SETBP1: variants seen among roughly 807,000 people sequenced by gnomAD.
The protein encoded by SETBP1 is SET-binding protein.
Under a neutral mutation model 101.0 loss-of-function variants are expected in SETBP1, and 9 were observed. The observed-to-expected ratio is 0.09, with a 90% confidence interval of 0.05 to 0.16. The LOEUF is 0.16. Among genes scored for constraint, SETBP1 ranks in the 10% least tolerant of loss-of-function variants. The pLI is 1.00. For missense variants in SETBP1, 1,858 were observed against 2,033.8 expected (o/e 0.91, Z 1.66); for synonymous variants, 818 against 788.5 (o/e 1.04, Z -0.63).
intron 2 of SETBP1, among the ~76,000 whole-genome samples, chr18:44,781,288 G>C (rs2071124298): frequency 6.6e-6 from 1 of 152,160 alleles, no homozygotes; most frequent in African/African-American, 2.4e-5. Context: ...AGAGCATTGA[G>C]GGTGGCTATG....
At chr18:44,921,913 C>A (rs1039743324) in intron 3 of SETBP1, among the ~76,000 whole-genome samples, 2 of 152,162 alleles carry the variant, frequency 1.3e-5, no homozygotes, top group African/African-American at 4.8e-5. Context: ...CTCCACAACT[C>A]ATGTCACAGG....
rs536165086 is a variant in SETBP1 at position 44,845,188 on chromosome 18, G to A, written c.487-24042G>A. Among the ~76,000 whole-genome samples, 4 of 152,242 alleles carry A rather than the reference G, an allele frequency of 2.6e-5. No individual in the cohort carries two copies. In the East Asian group the frequency reaches 7.7e-4, roughly 29 times the overall value. On this transcript the variant is annotated intron_variant, in intron 2 of 5. Transcript: ENST00000649279. ...AGCCGAAGAGGTTTGATTGAGTGTG[G>A]TTATTGGGCCAGATGATGCTACTTC...
chr18:44,919,462 G>T (rs2070525904), intron 3 of SETBP1, among the ~76,000 whole-genome samples: 1 of 151,096 alleles, frequency 6.6e-6, no homozygotes, highest in Admixed American at 6.6e-5. Flanking sequence ...TGATTCTCCT[G>T]CCTCAGCTTC....
At chr18:44,797,918 C>T (rs562472256) in intron 2 of SETBP1, among the ~76,000 whole-genome samples, 1 of 152,172 alleles carries the variant, frequency 6.6e-6, no homozygotes, top group African/African-American at 2.4e-5. Flanking sequence ...GGAAGATAAC[C>T]CAGGTTGTCA....
At chr18:44,711,701 T>TA (rs1263603454) in intron 2 of SETBP1, among the ~76,000 whole-genome samples, 2 of 114,358 alleles carry the variant, frequency 1.7e-5, no homozygotes, top group Non-Finnish European at 3.4e-5. Context: ...GATTTATCTT[T>TA]AAATTTTTTT....
intron 2 of SETBP1, among the ~76,000 whole-genome samples, chr18:44,808,409 G>A (rs1380426829): frequency 6.6e-6 from 1 of 152,160 alleles, no homozygotes; most frequent in Non-Finnish European, 1.5e-5. Flanking sequence ...TACCAATTAA[G>A]CTTCATTTGA....
chr18:44,984,186 C>G (rs1406692338), intron 4 of SETBP1, among the ~76,000 whole-genome samples: 1 of 151,130 alleles, frequency 6.6e-6, no homozygotes, highest in Non-Finnish European at 1.5e-5. Flanking sequence ...GAGCAAGACT[C>G]CGTCTTGGGA....
chr18:44,909,993 T>G (rs636373), intron 3 of SETBP1, among the ~76,000 whole-genome samples: 10,777 of 152,286 alleles, frequency 0.071, 496 homozygotes, highest in Non-Finnish European at 0.11. Flanking sequence ...TTCCGTAGAT[T>G]ACACTATGGT....
In SETBP1 at chr18:45,064,010, T is replaced by A; in HGVS notation, c.*312T>A. The A allele has an allele frequency of 3.6e-6, 1 of 277,376 alleles. No homozygotes were observed. The allele number at this position is 277,376 out of a possible 1,614,324, so 17.2% of individuals were successfully genotyped here. Reference sequence around the variant, plus strand: ...GAGGAGCAGGCTGGTGGCACTCTCCTGACCTCACGCTGCCAAGGTGCGCCC... The same window carrying A: ...GAGGAGCAGGCTGGTGGCACTCTCCAGACCTCACGCTGCCAAGGTGCGCCC... On this transcript the variant is annotated 3_prime_UTR_variant, in exon 6 of 6. Coordinates refer to ENST00000649279, the MANE Select transcript of SETBP1 (RefSeq NM_015559.3).
At chr18:45,019,906 A>G (rs1378892092) in intron 4 of SETBP1, among the ~76,000 whole-genome samples, 2 of 152,150 alleles carry the variant, frequency 1.3e-5, no homozygotes, top group African/African-American at 4.8e-5. Context: ...GGCCATGGGA[A>G]AGGAAAGCTG....
intron 2 of SETBP1, among the ~76,000 whole-genome samples, chr18:44,844,996 C>G (rs552705351): frequency 6.6e-6 from 1 of 151,960 alleles, no homozygotes; most frequent in Non-Finnish European, 1.5e-5. Context: ...TGATGGGAAT[C>G]GGTGACAGAC....
intron 4 of SETBP1, among the ~76,000 whole-genome samples, chr18:45,008,984 G>C (rs2072783303): frequency 6.6e-6 from 1 of 152,170 alleles, no homozygotes; most frequent in South Asian, 2.1e-4. Flanking sequence ...CGTGGAGCTG[G>C]CTTTCACAGA....
chr18:44,765,361 G>A (rs745961673), intron 2 of SETBP1, among the ~76,000 whole-genome samples: 2 of 152,124 alleles, frequency 1.3e-5, no homozygotes, highest in Non-Finnish European at 2.9e-5. Flanking sequence ...ATAGCGACAC[G>A]AGGGTTTTGT....
chr18:44,786,113 T>TTTTATTGCTGGCC (rs2058430653), intron 2 of SETBP1, among the ~76,000 whole-genome samples: 1 of 152,230 alleles, frequency 6.6e-6, no homozygotes, highest in African/African-American at 2.4e-5. Context: ...GATATGTCCC[T>TTTTATTGCTGGCC]TTCTCCCACC....
chr18:44,709,886 CT>C (rs2069302199), intron 2 of SETBP1, among the ~76,000 whole-genome samples: 1 of 133,274 alleles, frequency 7.5e-6, no homozygotes, highest in Admixed American at 8.3e-5. Context: ...GTTCAAAGGT[CT>C]TTTATCTCTG....
At chr18:44,996,343 A>G (rs1305175386) in intron 4 of SETBP1, among the ~76,000 whole-genome samples, 1 of 152,316 alleles carries the variant, frequency 6.6e-6, no homozygotes, top group East Asian at 1.9e-4. Flanking sequence ...CTCTCCATCT[A>G]CAAGGTACTT....
At chr18:45,033,115 G>T (rs1043162667) in intron 4 of SETBP1, among the ~76,000 whole-genome samples, 8 of 152,038 alleles carry the variant, frequency 5.3e-5, no homozygotes, top group African/African-American at 1.9e-4. Context: ...AAGTTCATTT[G>T]CAAACAAGAA....
intron 1 of SETBP1, among the ~76,000 whole-genome samples, chr18:44,699,770 G>C (rs1010355648): frequency 6.6e-6 from 1 of 152,240 alleles, no homozygotes; most frequent in Admixed American, 6.5e-5. Context: ...CTGGGGAGCA[G>C]GGTCCGTGTT....
At chr18:44,728,683 G>A (rs571264869) in intron 2 of SETBP1, among the ~76,000 whole-genome samples, 4 of 152,332 alleles carry the variant, frequency 2.6e-5, no homozygotes, top group African/African-American at 9.6e-5. Flanking sequence ...CCTATTGGGG[G>A]CAGGGAGAGA....
Sources: gnomAD v4.1 joint callset for allele counts (sites outside exome capture counted in the v4.1 genomes callset) on GRCh38, gnomAD v4.1.1 for gene constraint, MANE v1.5 for transcripts, NCBI Gene and HGNC (gene_info 2026-07-23, HGNC 2026-07-21) for gene names.